Variants in SNORC observed in about 807,000 individuals in gnomAD.
SNORC encodes the protein protein SNORC.
Under a neutral mutation model 9.7 loss-of-function variants are expected in SNORC, and 11 were observed. The observed-to-expected ratio is 1.14, with a 90% CI of 0.72 to 1.88. The LOEUF (loss-of-function observed/expected upper bound fraction) is 1.88. SNORC is among the 40% of genes most tolerant of loss of function. The pLI is 0.00. For missense variants in SNORC, 197 were observed against 173.1 expected (o/e 1.14, Z -0.77); for synonymous variants, 108 against 88.7 (o/e 1.22, Z -1.22).
At chr2:232,870,727 C>G (rs955500286) in intron 1 of SNORC, among the ~76,000 whole-genome samples, 3 of 152,076 alleles carry the variant, frequency 2.0e-5, no homozygotes, top group African/African-American at 4.8e-5. Flanking sequence ...AATCTGAAGT[C>G]TCCCAGGTCT....
intron 1 of SNORC, 31 bp from the exon 2 acceptor site, chr2:232,875,909 G>A (rs773491554): frequency 6.6e-7 from 1 of 1,524,748 alleles, no homozygotes; most frequent in Non-Finnish European, 8.8e-7. Flanking sequence ...CCCGTCACCT[G>A]GGGCCCCAGC....
intron 1 of SNORC, among the ~76,000 whole-genome samples, chr2:232,873,953 G>A (rs1036403597): frequency 6.6e-6 from 1 of 152,220 alleles, no homozygotes; most frequent in African/African-American, 2.4e-5. Context: ...TCCACCCATG[G>A]GGCCTCCTGC....
intron 1 of SNORC, among the ~76,000 whole-genome samples, chr2:232,872,452 G>A (rs1165604108): frequency 6.6e-6 from 1 of 152,224 alleles, no homozygotes; most frequent in African/African-American, 2.4e-5. Context: ...GGGCGGCTGG[G>A]GCCAGTGGGG....
intron 1 of SNORC, among the ~76,000 whole-genome samples, chr2:232,873,904 C>T (rs747538542): frequency 9.2e-5 from 14 of 152,240 alleles, no homozygotes; most frequent in Non-Finnish European, 1.6e-4. Flanking sequence ...TTGGGCCCCT[C>T]GGGAGGGAAG....
Position 232,876,330 on chromosome 2 carries a change from G to C in SNORC, c.340G>C (p.Ala114Pro). Residue 114 changes from alanine to proline, a missense_variant, in exon 3 of 3, where the codon GCG becomes CCG. By Grantham distance (27) the Ala-to-Pro change is conservative (BLOSUM62 -1). Transcript: ENST00000331342. This position sits in a 1 kb window ranked among gnomAD's most constrained non-coding sequence, Gnocchi z 6.8. Reference sequence around the variant, plus strand: ...CGTGGTGCTGGCGCTCGTGGTCGTCGCGCTGAGAAAGTTTTCTGCCTCCTG... The same window carrying C: ...CGTGGTGCTGGCGCTCGTGGTCGTCCCGCTGAGAAAGTTTTCTGCCTCCTG... 4 of 1,546,620 alleles carry C rather than the reference G, an allele frequency of 2.6e-6. No homozygotes were observed. The highest frequency in any genetic ancestry group is 3.5e-6 in the Non-Finnish European group (4 of 1,150,040).
At chr2:232,870,238 G>A, upstream of SNORC, 1 of 1,109,766 alleles carries the variant, frequency 9.0e-7, no homozygotes, top group Non-Finnish European at 1.3e-6. Context: ...TTGCATTGAT[G>A]AAAACCCTTC....
At chr2:232,875,505 G>T (rs371922364) in intron 1 of SNORC, 1 of 438,544 alleles carries the variant, frequency 2.3e-6, no homozygotes, top group Non-Finnish European at 4.7e-6. Flanking sequence ...GGGATGGATG[G>T]CCCAGGGTTG....
intron 1 of SNORC, among the ~76,000 whole-genome samples, chr2:232,874,270 A>C (rs1189739819): frequency 2.0e-5 from 3 of 152,228 alleles, no homozygotes; most frequent in Admixed American, 6.5e-5. Flanking sequence ...AGTAAGTTGC[A>C]GAAGTCATGT....
chr2:232,875,611 G>A, intron 1 of SNORC: 1 of 465,904 alleles, frequency 2.1e-6, no homozygotes, highest in Non-Finnish European at 4.0e-6. Flanking sequence ...GCTTTCTGTG[G>A]GACTGAGAAT....
intron 1 of SNORC, among the ~76,000 whole-genome samples, chr2:232,872,823 C>T (rs759771100): frequency 6.6e-6 from 1 of 152,238 alleles, no homozygotes; most frequent in Non-Finnish European, 1.5e-5. Context: ...TTTGCTTTCC[C>T]TTCTTACTGG....
chr2:232,867,297 A>C (rs1338174045), upstream of SNORC, among the ~76,000 whole-genome samples: 3 of 152,240 alleles, frequency 2.0e-5, no homozygotes, highest in African/African-American at 7.2e-5. Context: ...GATATACCAA[A>C]GTGGTTACAG....
At chr2:232,875,118 T>C (rs1691173178) in intron 1 of SNORC, among the ~76,000 whole-genome samples, 1 of 152,116 alleles carries the variant, frequency 6.6e-6, no homozygotes, top group Non-Finnish European at 1.5e-5. Flanking sequence ...CACGGGTGTA[T>C]CACCTGAGGT....
At chr2:232,870,372 C>T (rs749791125) in exon 1 of SNORC, 2 of 1,570,082 alleles carry the variant, frequency 1.3e-6, no homozygotes, top group Non-Finnish European at 1.7e-6. Context: ...GCGCATGGCG[C>T]TGCTGCTGGT....
upstream of SNORC, among the ~76,000 whole-genome samples, chr2:232,867,293 C>G (rs768457834): frequency 6.6e-6 from 1 of 152,188 alleles, no homozygotes; most frequent in Non-Finnish European, 1.5e-5. Flanking sequence ...CTAGGATATA[C>G]CAAAGTGGTT....
At chr2:232,878,436 C>G (rs1054677657), downstream of SNORC, 3 of 156,114 alleles carry the variant, frequency 1.9e-5, no homozygotes, top group African/African-American at 4.8e-5. Context: ...AAGCTGTGTC[C>G]TCATTTCCAC....
At chr2:232,870,918 A>G (rs1044897172) in intron 1 of SNORC, among the ~76,000 whole-genome samples, 5 of 152,200 alleles carry the variant, frequency 3.3e-5, no homozygotes, top group African/African-American at 1.2e-4. Flanking sequence ...ACAAGGCCCA[A>G]GATCCCTCTG....
intron 1 of SNORC, among the ~76,000 whole-genome samples, chr2:232,874,737 A>G (rs1236384450): frequency 6.6e-6 from 1 of 152,228 alleles, no homozygotes; most frequent in Non-Finnish European, 1.5e-5. Flanking sequence ...CCGCAGGGAC[A>G]AAAGGTGCCC....
Position 232,876,178 on chromosome 2 carries a change from CG to C in SNORC, c.256+62del. ...GGGAGAAATTAGGAGGGGCGGGGGG[CG>C]GGGGGCGCGGGGAGAAGGGCCGGCC... On this transcript the variant is annotated intron_variant, in intron 2 of 2. Transcript: ENST00000331342. This position sits in a 1 kb window ranked among gnomAD's most constrained non-coding sequence, Gnocchi z 6.8. The C allele has an allele frequency of 5.1e-5, 7 of 138,016 alleles. No individual in the cohort carries two copies. The highest frequency in any genetic ancestry group is 1.9e-4 in the East Asian group (1 of 5,144). 8.5% of individuals were successfully genotyped at this position (138,016 alleles called of 1,614,324 possible).
upstream of SNORC, among the ~76,000 whole-genome samples, chr2:232,867,447 A>G (rs1443588168): frequency 6.6e-6 from 1 of 152,244 alleles, no homozygotes; most frequent in East Asian, 1.9e-4. Flanking sequence ...ACATATGTAT[A>G]GTATTATTCA....
Sources: gnomAD v4.1 joint callset for allele counts (sites outside exome capture counted in the v4.1 genomes callset) on GRCh38, gnomAD v4.1.1 for gene constraint, Gnocchi (gnomAD v3.1) non-coding constraint, MANE v1.5 for transcripts, NCBI Gene and HGNC (gene_info 2026-07-23, HGNC 2026-07-21) for gene names.